The following TAFA1 variants were observed in gnomAD, a reference collection of about 807,000 sequenced individuals.
The protein encoded by TAFA1 is TAFA chemokine like family member 1, also known as chemokine-like protein TAFA-1.
In TAFA1, 4 loss-of-function variants were observed where a neutral mutation model predicts 18.5. That is an observed-to-expected ratio of 0.22 (90% CI 0.11 to 0.49). The LOEUF (loss-of-function observed/expected upper bound fraction) is 0.49, where lower values mean the gene tolerates loss of function less well. Ranked by LOEUF, TAFA1 falls within the 20% of genes least tolerant of loss-of-function variation. TAFA1 has a pLI of 0.98. For synonymous variants in TAFA1, 56 were observed against 55.2 expected, an observed-to-expected ratio of 1.01 and a Z score of -0.06; for missense variants, 147 against 169.0, an observed-to-expected ratio of 0.87 and a Z score of 0.72.
intron 2 of TAFA1, among the ~76,000 whole-genome samples, chr3:68,312,970 C>G (rs1248718813): frequency 1.3e-5 from 2 of 152,136 alleles, no homozygotes; most frequent in Admixed American, 1.3e-4. Context: ...CAAGTCATAT[C>G]TTACATGGGT....
At chr3:68,175,966 T>A (rs1306060206) in intron 2 of TAFA1, among the ~76,000 whole-genome samples, 1 of 152,140 alleles carries the variant, frequency 6.6e-6, no homozygotes, top group East Asian at 1.9e-4. Context: ...AGTGAATATG[T>A]CTCACAAGAC....
At chr3:67,997,856 A>T in the TAFA1 span, among the ~76,000 whole-genome samples, 1 of 152,184 alleles carries the variant, frequency 6.6e-6, no homozygotes, top group Non-Finnish European at 1.5e-5. Flanking sequence ...AAGTAAAATC[A>T]ACCACAATTA....
chr3:68,480,723 T>C (rs562139036), intron 3 of TAFA1, among the ~76,000 whole-genome samples: 10 of 152,306 alleles, frequency 6.6e-5, no homozygotes, highest in African/African-American at 2.4e-4. Context: ...AATGAAAGCG[T>C]AAGTACTATA....
intron 3 of TAFA1, among the ~76,000 whole-genome samples, chr3:68,452,705 C>T (rs1359288043): frequency 6.6e-6 from 1 of 152,076 alleles, no homozygotes; most frequent in Non-Finnish European, 1.5e-5. Context: ...TGTTTTCCAT[C>T]AGGGAGGCAT....
intron 2 of TAFA1, among the ~76,000 whole-genome samples, chr3:68,118,188 T>C (rs1236814139): frequency 6.6e-6 from 1 of 152,194 alleles, no homozygotes; most frequent in Admixed American, 6.5e-5. Flanking sequence ...CTTGTTTTCC[T>C]GCAACTAGAG....
chr3:68,310,266 A>ATTTTTTGTTT (rs2068492359), intron 2 of TAFA1, among the ~76,000 whole-genome samples: 3 of 152,182 alleles, frequency 2.0e-5, no homozygotes, highest in Non-Finnish European at 2.9e-5. Context: ...GGAGATCTTA[A>ATTTTTTGTTT]GTAGTTTTTG....
intron 2 of TAFA1, among the ~76,000 whole-genome samples, chr3:68,258,233 T>C (rs2067336909): frequency 6.6e-6 from 1 of 152,192 alleles, no homozygotes. Flanking sequence ...ATGGAAGGGC[T>C]CTCTGTAGTA....
chr3:68,252,941 A>G (rs1363274588), intron 2 of TAFA1, among the ~76,000 whole-genome samples: 2 of 152,166 alleles, frequency 1.3e-5, no homozygotes, highest in South Asian at 4.2e-4. Context: ...AAAGGCGAAG[A>G]TCCCCTGCAC....
chr3:68,462,630 T>G (rs1035227354), intron 3 of TAFA1, among the ~76,000 whole-genome samples: 2 of 152,216 alleles, frequency 1.3e-5, no homozygotes, highest in Admixed American at 6.5e-5. Context: ...TTCTAGTTCC[T>G]TTTCATTACT....
intron 2 of TAFA1, among the ~76,000 whole-genome samples, chr3:68,067,664 G>A (rs1281858506): frequency 3.9e-5 from 6 of 152,146 alleles, no homozygotes; most frequent in Non-Finnish European, 8.8e-5. Context: ...ACTGTAAATT[G>A]CTAAGCATTA....
intron 2 of TAFA1, among the ~76,000 whole-genome samples, chr3:68,172,779 A>AATAGATT (rs2066072890): frequency 6.6e-6 from 1 of 152,210 alleles, no homozygotes; most frequent in Non-Finnish European, 1.5e-5. Context: ...AAGGGCGCAT[A>AATAGATT]ATAGATTATT....
At chr3:68,432,966 G>A (rs930176811) in intron 3 of TAFA1, among the ~76,000 whole-genome samples, 1 of 151,866 alleles carries the variant, frequency 6.6e-6, no homozygotes, top group Admixed American at 6.6e-5. Flanking sequence ...CATTCTCATG[G>A]CTTCAGAGAC....
intron 2 of TAFA1, among the ~76,000 whole-genome samples, chr3:68,253,006 C>T (rs2067227108): frequency 6.6e-6 from 1 of 152,136 alleles, no homozygotes; most frequent in Non-Finnish European, 1.5e-5. Flanking sequence ...CTTCACCTTC[C>T]ACCATGATTG....
chr3:68,086,540 C>T (rs762636846), intron 2 of TAFA1, among the ~76,000 whole-genome samples: 1 of 152,140 alleles, frequency 6.6e-6, no homozygotes, highest in Non-Finnish European at 1.5e-5. Flanking sequence ...TCTTATAGAA[C>T]TGTATAAAAA....
At chr3:68,418,422 AGG>A (rs2070885988) in intron 3 of TAFA1, among the ~76,000 whole-genome samples, 2 of 53,020 alleles carry the variant, frequency 3.8e-5, no homozygotes, top group Non-Finnish European at 9.6e-5. Flanking sequence ...TCGTCACTTA[AGG>A]GAAGGACCGG....
chr3:68,390,352 C>T (rs1291402525), intron 2 of TAFA1, among the ~76,000 whole-genome samples: 1 of 152,144 alleles, frequency 6.6e-6, no homozygotes, highest in Non-Finnish European at 1.5e-5. Flanking sequence ...GGAGAAACCC[C>T]AGTCAGGGAC....
At chr3:68,241,136 C>A (rs573549593) in intron 2 of TAFA1, among the ~76,000 whole-genome samples, 2 of 151,848 alleles carry the variant, frequency 1.3e-5, no homozygotes, top group East Asian at 1.9e-4. Flanking sequence ...CAGTTATCTG[C>A]GGTTATAAGA....
chr3:68,017,924 G>T (rs1222260864), intron 2 of TAFA1, among the ~76,000 whole-genome samples: 1 of 152,084 alleles, frequency 6.6e-6, no homozygotes, highest in African/African-American at 2.4e-5. Context: ...CCCTCATGAA[G>T]GAGGTGATTT....
At chr3:68,413,983 C>T (rs776144161) in intron 2 of TAFA1, among the ~76,000 whole-genome samples, 16 of 151,932 alleles carry the variant, frequency 1.1e-4, no homozygotes, top group Non-Finnish European at 2.2e-4. Flanking sequence ...GACCAGTGTC[C>T]ATGGAGGAAA....
Sources: gnomAD v4.1 joint callset for allele counts (sites outside exome capture counted in the v4.1 genomes callset) on GRCh38, gnomAD v4.1.1 for gene constraint, MANE v1.5 for transcripts, NCBI Gene and HGNC (gene_info 2026-07-23, HGNC 2026-07-21) for gene names.